Variants in NCOA2 observed in about 807,000 individuals in gnomAD.
NCOA2 encodes the protein class E basic helix-loop-helix protein 75.
NCOA2 carries 21 observed loss-of-function variants against 145.1 expected under a neutral mutation model. The observed-to-expected ratio is 0.14, with a 90% CI of 0.10 to 0.21. The LOEUF (loss-of-function observed/expected upper bound fraction) is 0.21. NCOA2 is among the 10% of genes least tolerant of loss of function. The pLI is 1.00. For synonymous variants in NCOA2, 619 were observed against 637.5 expected, an observed-to-expected ratio of 0.97 and a Z score of 0.44; for missense variants, 1,472 against 1,837.6, an observed-to-expected ratio of 0.80 and a Z score of 3.64.
intron 2 of NCOA2, among the ~76,000 whole-genome samples, chr8:70,293,493 T>G (rs1008726350): frequency 6.6e-6 from 1 of 152,228 alleles, no homozygotes; most frequent in African/African-American, 2.4e-5. Context: ...GTATATATTG[T>G]GTTTTATTGT....
intron 1 of NCOA2, among the ~76,000 whole-genome samples, chr8:70,356,352 A>G (rs1432178652): frequency 6.6e-6 from 1 of 152,166 alleles, no homozygotes; most frequent in African/African-American, 2.4e-5. Flanking sequence ...TTTCTTCCCA[A>G]TAAGTATCCC....
At chr8:70,199,243 T>C (rs911651563) in intron 4 of NCOA2, among the ~76,000 whole-genome samples, 1 of 150,572 alleles carries the variant, frequency 6.6e-6, no homozygotes, top group Non-Finnish European at 1.5e-5. Flanking sequence ...AGGTCAGGAG[T>C]TCGAGGCCAG....
intron 16 of NCOA2, among the ~76,000 whole-genome samples, chr8:70,130,512 T>C (rs1808969681): frequency 6.6e-6 from 1 of 152,126 alleles, no homozygotes; most frequent in Non-Finnish European, 1.5e-5. Context: ...AGCAAACCAG[T>C]CACACAGGAA....
At chr8:70,179,271 G>A (rs1815212093) in intron 4 of NCOA2, among the ~76,000 whole-genome samples, 2 of 152,138 alleles carry the variant, frequency 1.3e-5, no homozygotes, top group South Asian at 4.1e-4. Context: ...AATATGAAGT[G>A]ATAGAAAACA....
intron 2 of NCOA2, among the ~76,000 whole-genome samples, chr8:70,292,191 T>TG (rs1826745870): frequency 1.3e-5 from 2 of 151,822 alleles, no homozygotes; most frequent in Admixed American, 1.3e-4. Context: ...TGGCGTGCAG[T>TG]GGCCAGGTTG....
intron 1 of NCOA2, among the ~76,000 whole-genome samples, chr8:70,339,234 A>G (rs550961638): frequency 1.3e-5 from 2 of 152,166 alleles, no homozygotes; most frequent in Non-Finnish European, 2.9e-5. Context: ...AACTTCAGCA[A>G]AGTCTCAGGA....
At chr8:70,329,304 A>G (rs1806869652) in intron 1 of NCOA2, among the ~76,000 whole-genome samples, 2 of 151,856 alleles carry the variant, frequency 1.3e-5, no homozygotes, top group Admixed American at 6.6e-5. Context: ...TTTTGTAGAG[A>G]TGGGAGTTCG....
At chr8:70,317,847 G>A (rs1215079981) in intron 1 of NCOA2, among the ~76,000 whole-genome samples, 2 of 151,994 alleles carry the variant, frequency 1.3e-5, no homozygotes, top group Non-Finnish European at 2.9e-5. Flanking sequence ...ACTGCTTGAG[G>A]CCAGGAATTC....
chr8:70,381,054 T>C (rs1563827344), intron 1 of NCOA2, among the ~76,000 whole-genome samples: 1 of 147,684 alleles, frequency 6.8e-6, no homozygotes, highest in Non-Finnish European at 1.5e-5. Context: ...CCTGGGCAAC[T>C]GAGCAAGACA....
chr8:70,451,621 A>G, the NCOA2 span, among the ~76,000 whole-genome samples: 1 of 152,132 alleles, frequency 6.6e-6, no homozygotes, highest in Admixed American at 6.5e-5. Context: ...CACAGCATAT[A>G]GCACTGCAGC....
intron 1 of NCOA2, among the ~76,000 whole-genome samples, chr8:70,385,147 TTTTC>T (rs1812542651): frequency 6.6e-6 from 1 of 152,228 alleles, no homozygotes; most frequent in Non-Finnish European, 1.5e-5. Flanking sequence ...AGACTAACTT[TTTTC>T]ATAGTTCTTC....
At chr8:70,175,321 T>C (rs1814706188) in intron 4 of NCOA2, among the ~76,000 whole-genome samples, 1 of 152,224 alleles carries the variant, frequency 6.6e-6, no homozygotes, top group Non-Finnish European at 1.5e-5. Context: ...CCATGAGACA[T>C]TCTGCAATGT....
intron 2 of NCOA2, among the ~76,000 whole-genome samples, chr8:70,271,160 A>T (rs2135289702): frequency 6.6e-6 from 1 of 152,318 alleles, no homozygotes; most frequent in South Asian, 2.1e-4. Flanking sequence ...CAAGAAGGAG[A>T]TCTTTGTTTG....
In NCOA2 at chr8:70,132,118, AC is replaced by A. The variant is rs1363996824; in HGVS notation, c.3159-117del. ...ACTTCCAGGGTTGTTGCAACAAACT[AC>A]TGTACCAACTCAACACAGAACAAAA... is the stretch of plus-strand genomic sequence containing the variant. On this transcript the variant is annotated intron_variant, in intron 15 of 22. Transcript: ENST00000452400. 3 of 995,452 alleles carry A rather than the reference AC, an allele frequency of 3.0e-6. No homozygotes were observed. In the African/African-American group the frequency reaches 4.9e-5, roughly 16 times the overall value. The allele number at this position is 995,452 out of a possible 1,614,324, so 61.7% of individuals were successfully genotyped here.
intron 15 of NCOA2, among the ~76,000 whole-genome samples, chr8:70,133,629 A>C (rs1250216784): frequency 6.6e-6 from 1 of 152,240 alleles, no homozygotes; most frequent in South Asian, 2.1e-4. Context: ...GAGTCACTAC[A>C]TGATGTTTTG....
chr8:70,213,229 A>T (rs2133873047), intron 4 of NCOA2, among the ~76,000 whole-genome samples: 1 of 152,314 alleles, frequency 6.6e-6, no homozygotes, highest in Middle Eastern at 3.4e-3. Flanking sequence ...CATGCCGAAT[A>T]AAGATTTATT....
At chr8:70,271,998 A>C (rs1287552663) in intron 2 of NCOA2, among the ~76,000 whole-genome samples, 1 of 152,232 alleles carries the variant, frequency 6.6e-6, no homozygotes, top group Non-Finnish European at 1.5e-5. Flanking sequence ...GGAATTCTTC[A>C]CACATGTGTA....
chr8:70,402,794 C>A (rs1014387483), intron 1 of NCOA2, among the ~76,000 whole-genome samples: 1 of 151,510 alleles, frequency 6.6e-6, no homozygotes, highest in Non-Finnish European at 1.5e-5. Flanking sequence ...GCCCCGGCCC[C>A]AGCGCGCCTC....
At chr8:70,369,517 A>G (rs533926391) in intron 1 of NCOA2, among the ~76,000 whole-genome samples, 82 of 152,338 alleles carry the variant, frequency 5.4e-4, no homozygotes, top group Admixed American at 9.8e-4. Flanking sequence ...CATGGACCCA[A>G]TTATCCACAA....
Sources: gnomAD v4.1 joint callset for allele counts (sites outside exome capture counted in the v4.1 genomes callset) on GRCh38, gnomAD v4.1.1 for gene constraint, MANE v1.5 for transcripts, NCBI Gene and HGNC (gene_info 2026-07-23, HGNC 2026-07-21) for gene names.